DIAPH2: variants seen among roughly 807,000 people sequenced by gnomAD.
DIAPH2 encodes the protein diaphanous related formin 2, also known as protein diaphanous homolog 2.
A neutral mutation model predicts 92.7 loss-of-function variants in DIAPH2; 35 were observed. The ratio of observed to expected loss-of-function variants is 0.38; its 90% confidence interval spans 0.29 to 0.50. The LOEUF is 0.50. Among genes scored for constraint, DIAPH2 ranks in the 20% least tolerant of loss-of-function variants. The pLI is 0.94. For synonymous variants in DIAPH2, 301 were observed against 280.4 expected, an observed-to-expected ratio of 1.07 and a Z score of -0.73; for missense variants, 701 against 819.5, an observed-to-expected ratio of 0.86 and a Z score of 1.77.
chrX:97,157,902 C>T (rs1263373707), intron 22 of DIAPH2, among the ~76,000 whole-genome samples: 3 of 112,066 alleles, frequency 2.7e-5, no homozygotes, highest in Non-Finnish European at 1.9e-5. Flanking sequence ...GAAAAGTATA[C>T]GCCGAGCCTT....
chrX:96,788,085 A>C (rs769238882), intron 4 of DIAPH2, among the ~76,000 whole-genome samples: 1 of 110,939 alleles, frequency 9.0e-6, no homozygotes, highest in Non-Finnish European at 1.9e-5. Context: ...ATGTTTTTCT[A>C]ATTTTAGAAC....
At chrX:97,307,908 CAAA>C (rs34217377) in intron 23 of DIAPH2, among the ~76,000 whole-genome samples, 100 of 64,822 alleles carry the variant, frequency 1.5e-3, no homozygotes, top group African/African-American at 5.1e-3. Flanking sequence ...GACTCTGTCT[CAAA>C]AAAAAAAAAA....
At chrX:97,311,015 T>TA (rs746382243) in intron 23 of DIAPH2, among the ~76,000 whole-genome samples, 2,155 of 108,824 alleles carry the variant, frequency 0.02, 58 homozygotes, top group African/African-American at 0.068. Context: ...TCTCAAAAAA[T>TA]AAAAAAAAGA....
intron 26 of DIAPH2, among the ~76,000 whole-genome samples, chrX:97,457,240 C>A (rs1025833026): frequency 2.7e-5 from 3 of 111,781 alleles, no homozygotes; most frequent in African/African-American, 9.8e-5. Context: ...AGGCTGTTCT[C>A]CAACTCCTGA....
intron 22 of DIAPH2, among the ~76,000 whole-genome samples, chrX:97,179,126 C>T (rs190904797): frequency 9.0e-6 from 1 of 111,137 alleles, no homozygotes; most frequent in Admixed American, 9.6e-5. Context: ...CAGTATTTAC[C>T]ATATAACTTG....
chrX:97,207,754 G>T (rs1287575231), intron 22 of DIAPH2, among the ~76,000 whole-genome samples: 1 of 111,584 alleles, frequency 9.0e-6, no homozygotes, highest in Non-Finnish European at 1.9e-5. Flanking sequence ...AGTGTTGCTT[G>T]TCAGTCATGA....
chrX:97,445,463 AAC>A (rs2070300606), intron 26 of DIAPH2, among the ~76,000 whole-genome samples: 1 of 109,698 alleles, frequency 9.1e-6, no homozygotes, highest in Admixed American at 9.7e-5. Flanking sequence ...TTGCCCAGGC[AAC>A]AGAGTGCAGT....
intron 26 of DIAPH2, among the ~76,000 whole-genome samples, chrX:97,554,552 G>C (rs919912958): frequency 8.9e-6 from 1 of 111,759 alleles, no homozygotes; most frequent in East Asian, 2.8e-4. Context: ...AATGAGAAAG[G>C]CTAAAGACCT....
chrX:96,929,223 A>G (rs2065603687), intron 9 of DIAPH2, among the ~76,000 whole-genome samples: 2 of 111,711 alleles, frequency 1.8e-5, no homozygotes, highest in Admixed American at 9.5e-5. Context: ...AGCCTAGCCT[A>G]TCAAAACTAT....
chrX:97,354,512 A>G (rs1335158675), intron 24 of DIAPH2, among the ~76,000 whole-genome samples: 1 of 111,219 alleles, frequency 9.0e-6, no homozygotes, highest in East Asian at 2.8e-4. Flanking sequence ...AGCTGGGATT[A>G]CAGGCACCCA....
At chrX:97,472,737 A>G (rs2070573228) in intron 26 of DIAPH2, among the ~76,000 whole-genome samples, 1 of 112,418 alleles carries the variant, frequency 8.9e-6, no homozygotes, top group South Asian at 3.7e-4. Context: ...TAACAAGACC[A>G]TGAGCAATTG....
intron 1 of DIAPH2, among the ~76,000 whole-genome samples, chrX:96,719,728 G>A (rs995925917): frequency 2.1e-4 from 23 of 110,561 alleles, no homozygotes; most frequent in African/African-American, 6.6e-4. Flanking sequence ...TGATGCTTTC[G>A]GTTTTGTTCT....
At chrX:97,289,959 G>A (rs1453281357) in intron 23 of DIAPH2, among the ~76,000 whole-genome samples, 2 of 109,445 alleles carry the variant, frequency 1.8e-5, no homozygotes, top group Non-Finnish European at 1.9e-5. Flanking sequence ...TGAGCTGTCT[G>A]CCTTGGCCTC....
At chrX:96,851,360 C>G (rs1411756650) in intron 4 of DIAPH2, among the ~76,000 whole-genome samples, 1 of 111,819 alleles carries the variant, frequency 8.9e-6, no homozygotes, top group East Asian at 2.8e-4. Flanking sequence ...GCCTTGGCCC[C>G]CCAAAGTGCT....
At chrX:97,239,237 T>G in intron 22 of DIAPH2, among the ~76,000 whole-genome samples, 1 of 112,052 alleles carries the variant, frequency 8.9e-6, no homozygotes, top group East Asian at 2.8e-4. Flanking sequence ...CCGTTCAAAC[T>G]CTTGCTTAAA....
At chrX:97,462,210 G>A (rs1284675842) in intron 26 of DIAPH2, among the ~76,000 whole-genome samples, 1 of 111,639 alleles carries the variant, frequency 9.0e-6, no homozygotes, top group Non-Finnish European at 1.9e-5. Flanking sequence ...GTTACTGTGG[G>A]TGGGGGTGCA....
intron 5 of DIAPH2, among the ~76,000 whole-genome samples, chrX:96,886,014 A>AT (rs910013857): frequency 1.1e-4 from 12 of 110,001 alleles, no homozygotes; most frequent in Admixed American, 2.9e-4. Flanking sequence ...TTCCTGTGTG[A>AT]TTTTTTTTTC....
intron 21 of DIAPH2, among the ~76,000 whole-genome samples, chrX:97,119,953 G>A (rs991561984): frequency 9.0e-6 from 1 of 111,576 alleles, no homozygotes; most frequent in Non-Finnish European, 1.9e-5. Context: ...CTGAGAACTT[G>A]CCCCAGGCTA....
At chrX:96,795,732 T>C (rs757235056) in intron 4 of DIAPH2, among the ~76,000 whole-genome samples, 1 of 112,174 alleles carries the variant, frequency 8.9e-6, no homozygotes, top group South Asian at 3.7e-4. Flanking sequence ...CTGACTCTGT[T>C]GTGTAATTAT....
Sources: allele counts gnomAD v4.1 joint callset (sites outside exome capture counted in the v4.1 genomes callset), GRCh38; gene constraint gnomAD v4.1.1; transcripts MANE v1.5; gene names NCBI Gene and HGNC (gene_info 2026-07-23, HGNC 2026-07-21).